WWOX: variants seen among roughly 807,000 people sequenced by gnomAD.
WWOX encodes WW domain-containing oxidoreductase.
WWOX carries 69 observed loss-of-function variants against 46.2 expected under a neutral mutation model. The observed-to-expected ratio is 1.49, with a 90% CI of 1.23 to 1.82. The LOEUF is 1.82. WWOX is among the 40% of genes most tolerant of loss of function. The probability of loss-of-function intolerance (pLI) is 0.00; values close to 1 mark genes in which losing one functional copy is unlikely to be tolerated. For synonymous variants in WWOX, 359 were observed against 202.6 expected, an observed-to-expected ratio of 1.77 and a Z score of -6.56; for missense variants, 919 against 542.6, an observed-to-expected ratio of 1.69 and a Z score of -6.89.
intron 8 of WWOX, among the ~76,000 whole-genome samples, chr16:79,190,767 G>A (rs1315068328): frequency 6.6e-6 from 1 of 152,204 alleles, no homozygotes; most frequent in Non-Finnish European, 1.5e-5. Context: ...AGGTGCATTT[G>A]TTTACCTATT....
chr16:78,858,757 C>G (rs200620485), intron 8 of WWOX, among the ~76,000 whole-genome samples: 4 of 151,942 alleles, frequency 2.6e-5, no homozygotes, highest in African/African-American at 9.6e-5. Context: ...CAGCTCACTG[C>G]AGCCTCAAAC....
chr16:78,475,280 A>G (rs1357035274), intron 8 of WWOX, among the ~76,000 whole-genome samples: 3 of 152,162 alleles, frequency 2.0e-5, no homozygotes, highest in Admixed American at 6.6e-5. Flanking sequence ...CTCCCTGTGT[A>G]TTGAGAGCAG....
chr16:78,883,156 A>C (rs889385553), intron 8 of WWOX, among the ~76,000 whole-genome samples: 1 of 152,160 alleles, frequency 6.6e-6, no homozygotes, highest in African/African-American at 2.4e-5. Flanking sequence ...CCTAGGCACA[A>C]AATAACTCAG....
chr16:79,101,321 G>A (rs1416019111), intron 8 of WWOX: 1 of 152,144 alleles, frequency 6.6e-6, no homozygotes, highest in Non-Finnish European at 1.5e-5. Flanking sequence ...CAACTCTGCT[G>A]GTCTCTCTGC....
chr16:78,619,444 A>C (rs2046122392), intron 8 of WWOX, among the ~76,000 whole-genome samples: 1 of 149,542 alleles, frequency 6.7e-6, no homozygotes, highest in African/African-American at 2.5e-5. Context: ...TACACACTGC[A>C]TGCACATGGG....
At chr16:78,813,024 C>A (rs1597655651) in intron 8 of WWOX, among the ~76,000 whole-genome samples, 1 of 150,670 alleles carries the variant, frequency 6.6e-6, no homozygotes, top group African/African-American at 2.4e-5. Flanking sequence ...TAGGTAAACC[C>A]ATGTAATTTC....
chr16:79,128,431 C>T (rs988952953), intron 8 of WWOX, among the ~76,000 whole-genome samples: 1 of 151,680 alleles, frequency 6.6e-6, no homozygotes, highest in African/African-American at 2.4e-5. Context: ...TTAACACTTT[C>T]AGCAACCCTG....
At chr16:78,201,020 A>C (rs2036213609) in intron 5 of WWOX, among the ~76,000 whole-genome samples, 1 of 152,244 alleles carries the variant, frequency 6.6e-6, no homozygotes. Flanking sequence ...AAGCAGTTAT[A>C]AGGAACATAG....
At position 78,314,563 on chromosome 16, in the gene WWOX, C is replaced by T. The variant is rs559623531; in HGVS notation, c.517-72297C>T. 1.1e-4 allele frequency among the ~76,000 whole-genome samples: 16 copies of T among 139,758 alleles called. 1 individual carries two copies. The highest frequency in any genetic ancestry group is 9.1e-4 in the South Asian group (4 of 4,380). The allele number at this position is 139,758 out of a possible 152,430, so 91.7% of individuals were successfully genotyped here. A position where few individuals can be genotyped will look rare whatever the true frequency, so the allele number is the denominator to read the frequency against. On this transcript the variant is annotated intron_variant, in intron 5 of 8. Coordinates refer to ENST00000566780, the MANE Select transcript of WWOX (RefSeq NM_016373.4). ...TTTTGAGTCGGAGTTTTGCTCTTGT[C>T]GCCCAGGCTGGAGTGTAATGGCGTG... is the stretch of plus-strand genomic sequence containing the variant.
intron 8 of WWOX, among the ~76,000 whole-genome samples, chr16:78,524,941 C>G (rs1354379825): frequency 6.9e-6 from 1 of 145,050 alleles, no homozygotes; most frequent in Non-Finnish European, 1.5e-5. Context: ...TCAAGGCTCA[C>G]TGCAGCTTCC....
chr16:78,467,132 T>C (rs2084099298), intron 8 of WWOX, among the ~76,000 whole-genome samples: 4 of 152,222 alleles, frequency 2.6e-5, no homozygotes, highest in Admixed American at 2.6e-4. Flanking sequence ...GATCTTGTCA[T>C]GAATTTCAAA....
Position 78,414,366 on chromosome 16 carries a change from C to A in WWOX, c.606-10504C>A, listed in dbSNP as rs1001978631. The stretch of plus-strand genomic sequence containing the variant: ...GGCAGATCACTTGAGGTCAGGAGTT[C>A]AAGACCAGCCTGGCCAACGTGGTGA... On this transcript the variant is annotated intron_variant, in intron 6 of 8. Coordinates refer to ENST00000566780, the MANE Select transcript of WWOX (RefSeq NM_016373.4). Among the ~76,000 whole-genome samples the A allele has an allele frequency of 7.9e-5, 12 of 152,264 alleles. No homozygotes were observed. The South Asian group carries it at 1.2e-3, about 16-fold the overall frequency.
At chr16:78,626,801 ATCATTTATTTAT>A (rs2046321423) in intron 8 of WWOX, among the ~76,000 whole-genome samples, 1 of 152,100 alleles carries the variant, frequency 6.6e-6, no homozygotes, top group African/African-American at 2.4e-5. Context: ...TATTTATTTA[ATCATTTATTTAT>A]ATCACGGTAC....
chr16:78,652,210 G>T (rs1027839252), intron 8 of WWOX, among the ~76,000 whole-genome samples: 1 of 151,942 alleles, frequency 6.6e-6, no homozygotes, highest in Non-Finnish European at 1.5e-5. Context: ...AAGAGATCGA[G>T]ACCATCCTGG....
intron 8 of WWOX, among the ~76,000 whole-genome samples, chr16:78,612,726 C>G (rs12598802): frequency 6.6e-6 from 1 of 152,188 alleles, no homozygotes; most frequent in Admixed American, 6.5e-5. Flanking sequence ...ATCCTCCAGC[C>G]TCAGCCTCCC....
chr16:78,722,928 C>A (rs975466923), intron 8 of WWOX, among the ~76,000 whole-genome samples: 2 of 151,808 alleles, frequency 1.3e-5, no homozygotes, highest in Admixed American at 6.6e-5. Flanking sequence ...TGTAGCCCCA[C>A]CTACTTGGGA....
At chr16:78,919,686 T>A (rs1162660833) in intron 8 of WWOX, among the ~76,000 whole-genome samples, 1 of 151,864 alleles carries the variant, frequency 6.6e-6, no homozygotes, top group Non-Finnish European at 1.5e-5. Context: ...CCTGGCTAAT[T>A]TTTGTATTTT....
intron 8 of WWOX, among the ~76,000 whole-genome samples, chr16:78,734,223 C>G (rs2049031427): frequency 6.6e-6 from 1 of 151,996 alleles, no homozygotes; most frequent in South Asian, 2.1e-4. Context: ...AGACACACAT[C>G]AAAATGAGAC....
At chr16:78,233,693 AT>A (rs1226246164) in intron 5 of WWOX, among the ~76,000 whole-genome samples, 3 of 151,832 alleles carry the variant, frequency 2.0e-5, no homozygotes, top group African/African-American at 7.3e-5. Flanking sequence ...CACCTGGCTA[AT>A]TTTTTTGTAG....
Sources: gnomAD v4.1 joint callset for allele counts (sites outside exome capture counted in the v4.1 genomes callset) on GRCh38, gnomAD v4.1.1 for gene constraint, MANE v1.5 for transcripts, NCBI Gene and HGNC (gene_info 2026-07-23, HGNC 2026-07-21) for gene names.